GET4: variants seen among roughly 807,000 people sequenced by gnomAD.
GET4 encodes the protein guided entry of tail-anchored proteins factor 4, also known as Golgi to ER traffic protein 4 homolog.
Under a neutral mutation model 40.0 loss-of-function variants are expected in GET4, and 20 were observed. The observed-to-expected ratio is 0.50, with a 90% confidence interval of 0.35 to 0.73. GET4 has a LOEUF of 0.73. GET4 is among the 30% of genes least tolerant of loss of function. GET4 has a pLI of 0.01. For missense variants in GET4, 557 were observed against 454.0 expected (o/e 1.23, Z -2.06); for synonymous variants, 280 against 194.6 (o/e 1.44, Z -3.65).
rs942001209 is a variant in GET4 at position 884,098 on chromosome 7, C to T, written c.156-1958C>T. 3.2e-5 allele frequency: 38 copies of T among 1,192,428 alleles called. No homozygotes were observed. The Admixed American group carries it at 3.5e-4, about 11-fold the overall frequency. 73.9% of individuals were successfully genotyped at this position (1,192,428 alleles called of 1,614,324 possible). A position where few individuals can be genotyped will look rare whatever the true frequency, so the allele number is the denominator to read the frequency against. On this transcript the variant is annotated intron_variant, in intron 1 of 8. Coordinates refer to ENST00000265857, the MANE Select transcript of GET4 (RefSeq NM_015949.3). ...CCTTCCAGGGAGTCCTTTTTTTCTT[C>T]TGGTTTCTAAGTCGCCACCTCTTGC...
chr7:890,900 T>C (rs753217613), intron 4 of GET4, 28 bp from the exon 5 acceptor site: 2 of 1,539,462 alleles, frequency 1.3e-6, no homozygotes, highest in South Asian at 1.1e-5. Flanking sequence ...GTGAAATGTA[T>C]TTACATTTTT....
rs566524879 is a variant in GET4 at position 895,188 on chromosome 7, T to C, written c.896-146T>C. The C allele has an allele frequency of 9.0e-4, 438 of 486,148 alleles. 1 individual carries two copies. Among genetic ancestry groups the C allele is most frequent in the African/African-American group, 8.1e-3 (406 of 50,398 alleles). The allele number at this position is 486,148 out of a possible 1,614,324, so 30.1% of individuals were successfully genotyped here. ...CCTCCAGAGTGTCCTGTCCCGGGGT[T>C]CCTGGGTCGTAGACAGTAGCGATGT... On this transcript the variant is annotated intron_variant, in intron 8 of 8. Coordinates refer to ENST00000265857, the MANE Select transcript of GET4 (RefSeq NM_015949.3).
rs1389832040 is a variant in GET4 at position 876,625 on chromosome 7, C to A, written c.-21C>A. 1 of 1,224,836 alleles carries A rather than the reference C, an allele frequency of 8.2e-7. No homozygotes were observed. The highest frequency in any genetic ancestry group is 1.6e-5 in the African/African-American group (1 of 62,272). The allele number at this position is 1,224,836 out of a possible 1,614,324, so 75.9% of individuals were successfully genotyped here. On this transcript the variant is annotated 5_prime_UTR_variant, in exon 1 of 9. Transcript: ENST00000265857. ...CGACCGCGCCTGCGACAGCGTCAGCCCTGCGCGGAGCGCCGGCCCGATGGC... is the reference window on the plus strand; with the variant it reads ...CGACCGCGCCTGCGACAGCGTCAGCACTGCGCGGAGCGCCGGCCCGATGGC...
At chr7:884,528 C>T (rs977446367) in intron 1 of GET4, 8 of 389,468 alleles carry the variant, frequency 2.1e-5, no homozygotes, top group Admixed American at 7.4e-5. Context: ...TGGTGCCCTG[C>T]CTCTGTGCAG....
At chr7:891,971 G>T (rs1016024255) in intron 5 of GET4, among the ~76,000 whole-genome samples, 4 of 152,194 alleles carry the variant, frequency 2.6e-5, no homozygotes, top group Admixed American at 1.3e-4. Flanking sequence ...GCGCCTGACC[G>T]GTGCGGGCGG....
In GET4 at chr7:876,758, A is replaced by C. The variant is rs1843952387; in HGVS notation, c.113A>C (p.Asp38Ala). ...GKLRASVEKG[D>A]YYEAHQMYRT... The stretch of plus-strand genomic sequence containing the variant: ...CTGCGCGCCAGCGTCGAGAAGGGCG[A>C]CTACTACGAGGCGCACCAGATGTAC... The change falls in exon 1 of 9, where the codon GAC (aspartate) becomes GCC (alanine). Residue 38 changes from aspartate (D) to alanine (A), a missense_variant. Asp to Ala is a moderately radical substitution (Grantham distance 126, BLOSUM62 -2). Coordinates refer to ENST00000265857, the MANE Select transcript of GET4 (RefSeq NM_015949.3). The C allele has an allele frequency of 7.3e-7, 1 of 1,365,682 alleles. No homozygotes were observed. Among genetic ancestry groups the C allele is most frequent in the African/African-American group, 1.6e-5 (1 of 64,470 alleles). The allele number at this position is 1,365,682 out of a possible 1,614,324, so 84.6% of individuals were successfully genotyped here.
rs1844404490 is a variant in GET4, at chr7:893,913, A to G, written c.837A>G (p.Ile279Met). 1 of 1,610,390 alleles carries G rather than the reference A, an allele frequency of 6.2e-7. No individual in the cohort carries two copies. Among genetic ancestry groups the G allele is most frequent in the Non-Finnish European group, 8.5e-7 (1 of 1,177,610 alleles). ...DPMYNEYLDR[I>M]GQLFFGVPPK... ...GTGCCTTGCAGTACCTCGACCGCAT[A>G]GGACAGCTGTTCTTCGGCGTCCCGC... Residue 279 changes from isoleucine (I) to methionine (M), a missense_variant, in exon 8 of 9, where the codon ATA becomes ATG. Coordinates refer to ENST00000265857, the MANE Select transcript of GET4 (RefSeq NM_015949.3).
In GET4 at chr7:886,907, G is replaced by T. The variant is rs558318420; in HGVS notation, c.316+257G>T. ...TGACTGGGGCCCTGTCCTCTCCACTGCTCCGATGGACAGTGGCCTCCCCGC... is the reference window on the plus strand; with the variant it reads ...TGACTGGGGCCCTGTCCTCTCCACTTCTCCGATGGACAGTGGCCTCCCCGC... On this transcript the variant is annotated intron_variant, in intron 3 of 8. Transcript: ENST00000265857. The T allele has an allele frequency of 1.3e-5, 7 of 555,032 alleles. No individual in the cohort carries two copies. The East Asian group carries it at 1.9e-4, about 15-fold the overall frequency. 34.4% of individuals were successfully genotyped at this position (555,032 alleles called of 1,614,324 possible). A position where few individuals can be genotyped will look rare whatever the true frequency, so the allele number is the denominator to read the frequency against.
intron 4 of GET4, among the ~76,000 whole-genome samples, chr7:889,515 C>T (rs1374413570): frequency 1.3e-5 from 2 of 152,004 alleles, no homozygotes; most frequent in Admixed American, 6.5e-5. Context: ...CGGGAGGGCC[C>T]TGGAGGCTCC....
rs775296300 is a variant in GET4 at position 887,137 on chromosome 7, C to A, written c.317-233C>A. ...CAGCTCCCCACGGCACCTTCCCCAG[C>A]CCCCGCCTCGGCCAGGGCGTCCGTC... On this transcript the variant is annotated intron_variant, in intron 3 of 8. Coordinates refer to ENST00000265857, the MANE Select transcript of GET4 (RefSeq NM_015949.3). 66 of 680,554 alleles carry A rather than the reference C, an allele frequency of 9.7e-5. No individual in the cohort carries two copies. In the East Asian group the frequency reaches 1.9e-3, roughly 20 times the overall value. The allele number at this position is 680,554 out of a possible 1,614,324, so 42.2% of individuals were successfully genotyped here.
At chr7:886,980 G>A (rs932206854) in intron 3 of GET4, 5 of 514,620 alleles carry the variant, frequency 9.7e-6, no homozygotes, top group Non-Finnish European at 1.8e-5. Context: ...CTGTCCTGTC[G>A]GGTGACGTGC....
intron 1 of GET4, among the ~76,000 whole-genome samples, chr7:877,271 C>T (rs73252016): frequency 0.29 from 39,830 of 138,650 alleles, 6,272 homozygotes; most frequent in East Asian, 0.45. Flanking sequence ...TCTCCCGGCC[C>T]CTCGTCTCTC....
intron 1 of GET4, among the ~76,000 whole-genome samples, chr7:878,867 C>A (rs6946998): frequency 0.44 from 66,783 of 152,104 alleles, 14,718 homozygotes; most frequent in Middle Eastern, 0.49. Flanking sequence ...GCGTGAGCCA[C>A]GGCGCCCGGC....
chr7:893,813 G>A lies in GET4; in HGVS notation c.820G>A (p.Glu274Lys), dbSNP rs13237267. 9.9e-6 allele frequency: 16 copies of A among 1,610,114 alleles called. No individual in the cohort carries two copies. Among genetic ancestry groups the A allele is most frequent in the African/African-American group, 1.3e-5 (1 of 74,826 alleles). ...CCTCCGGCGGGACCCCATGTACAAC[G>A]AGGTGAGAGCTTGGGGCTGGGGAGG... ...PSLRRDPMYN[E>K]YLDRIGQLFF... Residue 274 changes from glutamate (E) to lysine (K), a missense_variant and splice_region_variant, in exon 7 of 9, where the codon GAG (glutamate) becomes AAG (lysine). Transcript: ENST00000265857.
chr7:881,007 G>C (rs1009198391), intron 1 of GET4: 1 of 152,160 alleles, frequency 6.6e-6, no homozygotes, highest in South Asian at 2.1e-4. Context: ...TGGGACTACA[G>C]GTGCCCGCCA....
chr7:886,964 G>T (rs1435222915), intron 3 of GET4: 2 of 517,088 alleles, frequency 3.9e-6, no homozygotes, highest in Non-Finnish European at 7.1e-6. Context: ...ACTTTGGCTT[G>T]TCGGCCTGTC....
intron 3 of GET4, chr7:887,139 C>A: frequency 1.5e-6 from 1 of 683,434 alleles, no homozygotes; most frequent in Non-Finnish European, 2.7e-6. Flanking sequence ...TTCCCCAGCC[C>A]CCGCCTCGGC....
chr7:884,373 A>C, intron 1 of GET4: 1 of 1,301,520 alleles, frequency 7.7e-7, no homozygotes, highest in South Asian at 1.2e-5. Context: ...GGTCCTGTCG[A>C]GGCTCCTGCT....
At chr7:882,390 C>T (rs1844103607) in intron 1 of GET4, 1 of 152,336 alleles carries the variant, frequency 6.6e-6, no homozygotes, top group African/African-American at 2.4e-5. Context: ...GGTTGGTGTC[C>T]TTGGATATGT....
Sources: gnomAD v4.1 joint callset for allele counts (sites outside exome capture counted in the v4.1 genomes callset) on GRCh38, gnomAD v4.1.1 for gene constraint, MANE v1.5 for transcripts, NCBI Gene and HGNC (gene_info 2026-07-23, HGNC 2026-07-21) for gene names.